The following SLC14A2 variants were observed in gnomAD, a reference collection of about 807,000 sequenced individuals.
SLC14A2 encodes solute carrier family 14 member 2.
SLC14A2 carries 91 observed loss-of-function variants against 104.6 expected under a neutral mutation model. That is an observed-to-expected ratio of 0.87 (90% confidence interval 0.73 to 1.04). The LOEUF (loss-of-function observed/expected upper bound fraction) is 1.04. Ranked by LOEUF, SLC14A2 falls within the 50% of genes least tolerant of loss-of-function variation. The pLI is 0.00. For missense variants in SLC14A2, 1,189 were observed against 1,156.0 expected (o/e 1.03, Z -0.41); for synonymous variants, 476 against 466.4 (o/e 1.02, Z -0.27).
chr18:45,430,965 G>T (rs1017503055), intron 1 of SLC14A2, among the ~76,000 whole-genome samples: 1 of 152,172 alleles, frequency 6.6e-6, no homozygotes, highest in African/African-American at 2.4e-5. Context: ...CCCTGGTTGG[G>T]TGCTGATGAC....
intron 10 of SLC14A2, among the ~76,000 whole-genome samples, chr18:45,660,911 T>A (rs2045926029): frequency 6.6e-6 from 1 of 152,250 alleles, no homozygotes; most frequent in Non-Finnish European, 1.5e-5. Flanking sequence ...TTATCTCTAA[T>A]CTTCTTTGTG....
chr18:45,513,127 AAGGTCATC>A (rs1296572820), intron 2 of SLC14A2, among the ~76,000 whole-genome samples: 3 of 152,160 alleles, frequency 2.0e-5, no homozygotes, highest in Admixed American at 6.5e-5. Context: ...GGTTACCTTG[AAGGTCATC>A]AGGGCCAGCT....
the SLC14A2 span, among the ~76,000 whole-genome samples, chr18:45,183,976 A>G: frequency 7.6e-6 from 1 of 131,520 alleles, no homozygotes; most frequent in Non-Finnish European, 1.6e-5. Flanking sequence ...CTAGTCTCAA[A>G]CTCCTGCCCT....
chr18:45,640,934 A>G (rs1287579060), intron 7 of SLC14A2, among the ~76,000 whole-genome samples: 1 of 152,248 alleles, frequency 6.6e-6, no homozygotes, highest in Admixed American at 6.5e-5. Context: ...AGCAGTAAGA[A>G]GGGGCCTAGA....
chr18:45,223,802 A>C (rs2084086982), intron 1 of SLC14A2, among the ~76,000 whole-genome samples: 1 of 152,230 alleles, frequency 6.6e-6, no homozygotes, highest in East Asian at 1.9e-4. Context: ...TTGGAAACCC[A>C]GAGACCTTCA....
At chr18:45,217,263 T>G (rs2084018850) in intron 1 of SLC14A2, among the ~76,000 whole-genome samples, 1 of 148,550 alleles carries the variant, frequency 6.7e-6, no homozygotes, top group Non-Finnish European at 1.5e-5. Context: ...ATATATAATA[T>G]ACATATATTA....
chr18:45,624,091 G>A (rs550594441), intron 1 of SLC14A2, among the ~76,000 whole-genome samples: 4 of 152,202 alleles, frequency 2.6e-5, no homozygotes, highest in Non-Finnish European at 4.4e-5. Flanking sequence ...ACAGCTCATG[G>A]AAGAATAGAC....
the SLC14A2 span, among the ~76,000 whole-genome samples, chr18:45,182,878 G>A: frequency 6.6e-6 from 1 of 152,250 alleles, no homozygotes; most frequent in Non-Finnish European, 1.5e-5. Flanking sequence ...AATTCAATCT[G>A]AAGTGATTCT....
chr18:45,185,327 A>G, the SLC14A2 span, among the ~76,000 whole-genome samples: 23 of 152,312 alleles, frequency 1.5e-4, no homozygotes, highest in East Asian at 3.7e-3. Context: ...CTTCATATCC[A>G]CAGGGAAGAT....
At chr18:45,469,447 G>C (rs1184662235) in intron 1 of SLC14A2, among the ~76,000 whole-genome samples, 5 of 152,210 alleles carry the variant, frequency 3.3e-5, no homozygotes, top group East Asian at 1.9e-4. Flanking sequence ...GGAGCTCAGG[G>C]ATACAGGGGT....
intron 1 of SLC14A2, among the ~76,000 whole-genome samples, chr18:45,249,902 T>C (rs2084404409): frequency 6.6e-6 from 1 of 152,128 alleles, no homozygotes; most frequent in African/African-American, 2.4e-5. Context: ...TGAGCTATGA[T>C]TGTGCTGCTG....
intron 1 of SLC14A2, among the ~76,000 whole-genome samples, chr18:45,347,077 C>T (rs574304302): frequency 1.3e-5 from 2 of 151,956 alleles, no homozygotes; most frequent in East Asian, 3.9e-4. Context: ...GTTTTGTGGC[C>T]CTGCGTGGTG....
chr18:45,302,862 T>A (rs1383920068), intron 1 of SLC14A2, among the ~76,000 whole-genome samples: 2 of 152,098 alleles, frequency 1.3e-5, no homozygotes, highest in Non-Finnish European at 2.9e-5. Context: ...ATATCCAAAT[T>A]GCATTAACCA....
At chr18:45,232,369 G>A (rs867303028) in intron 1 of SLC14A2, among the ~76,000 whole-genome samples, 1 of 152,156 alleles carries the variant, frequency 6.6e-6, no homozygotes, top group African/African-American at 2.4e-5. Flanking sequence ...ACAATGAAGA[G>A]GAAGTCCATC....
At position 45,627,119 on chromosome 18, in the gene SLC14A2, T is replaced by A. The variant is rs1409912156; in HGVS notation, c.493T>A (p.Leu165Ile). The A allele has an allele frequency of 1.2e-6, 2 of 1,614,192 alleles. No homozygotes were observed. The highest frequency in any genetic ancestry group is 1.1e-5 in the South Asian group (1 of 91,080). Residue 165 changes from leucine to isoleucine, a missense_variant, in exon 4 of 20, where the codon TTA (leucine) becomes ATA (isoleucine). Coordinates refer to ENST00000255226, the MANE Select transcript of SLC14A2 (RefSeq NM_007163.4). ...TGGLGTVVST[L>I]TALALGQDRS... ...GGGCCTGGGGACAGTGGTCTCGACC[T>A]TAACAGCTCTCGCCTTGGGCCAAGA...
intron 1 of SLC14A2, among the ~76,000 whole-genome samples, chr18:45,467,591 C>A (rs2087168142): frequency 6.6e-6 from 1 of 152,140 alleles, no homozygotes; most frequent in Admixed American, 6.5e-5. Context: ...ACCTTGTCCC[C>A]TTCAGGGTCA....
At chr18:45,489,902 A>G (rs2087688785) in intron 2 of SLC14A2, 1 of 152,158 alleles carries the variant, frequency 6.6e-6, no homozygotes, top group Non-Finnish European at 1.5e-5. Context: ...ATCTCATTTC[A>G]TCAGCTCAGC....
chr18:45,506,648 A>G, intron 2 of SLC14A2, among the ~76,000 whole-genome samples: 1 of 152,228 alleles, frequency 6.6e-6, no homozygotes, highest in East Asian at 1.9e-4. Flanking sequence ...GCCAGGAGCC[A>G]CCAGAAGTCA....
chr18:45,463,081 C>T (rs1374569545), intron 1 of SLC14A2, among the ~76,000 whole-genome samples: 3 of 152,284 alleles, frequency 2.0e-5, no homozygotes, highest in Non-Finnish European at 2.9e-5. Context: ...AGGTTCAGCC[C>T]ACCCCAACCC....
Sources: gnomAD v4.1 joint callset for allele counts (sites outside exome capture counted in the v4.1 genomes callset) on GRCh38, gnomAD v4.1.1 for gene constraint, MANE v1.5 for transcripts, NCBI Gene and HGNC (gene_info 2026-07-23, HGNC 2026-07-21) for gene names.